Variants in ESRP1 observed in about 807,000 individuals in gnomAD.
ESRP1 encodes RNA-binding motif protein 35A.
In ESRP1, 33 loss-of-function variants were observed where a neutral mutation model predicts 81.7. That is an observed-to-expected ratio of 0.40 (90% confidence interval 0.31 to 0.54). The LOEUF (loss-of-function observed/expected upper bound fraction) is 0.54. Among genes scored for constraint, ESRP1 ranks in the 20% least tolerant of loss-of-function variants. ESRP1 has a pLI of 0.41. For synonymous variants in ESRP1, 320 were observed against 303.3 expected (o/e 1.06, Z -0.57); for missense variants, 672 against 833.1 (o/e 0.81, Z 2.38).
In ESRP1 at chr8:94,662,490, C is replaced by T. The variant is rs1021884504; in HGVS notation, c.590-11C>T. 6.3e-7 allele frequency: 1 copy of T among 1,597,874 alleles called. No homozygotes were observed. The highest frequency in any genetic ancestry group is 8.5e-7 in the Non-Finnish European group (1 of 1,172,054). Reference sequence around the variant, plus strand: ...TCACTAAAATGATGACTTTTATGTTCTCATTTTTAGATCACAGGTTTTCAG... The same window carrying T: ...TCACTAAAATGATGACTTTTATGTTTTCATTTTTAGATCACAGGTTTTCAG... On this transcript the variant is annotated splice_polypyrimidine_tract_variant and intron_variant, in intron 5 of 15. Coordinates refer to ENST00000433389, the MANE Select transcript of ESRP1 (RefSeq NM_017697.4).
chr8:94,641,875 C>T (rs1817615812), intron 1 of ESRP1, 81 bp from the exon 2 acceptor site: 2 of 1,572,516 alleles, frequency 1.3e-6, no homozygotes, highest in South Asian at 1.2e-5. Flanking sequence ...CGGGCCGCCC[C>T]AGCAGGGGAG....
At position 94,678,364 on chromosome 8, in the gene ESRP1, T is replaced by C. The variant is rs1808726953; in HGVS notation, c.1813T>C (p.Tyr605His). ...TQLFMNYTAY[Y>H]PSPPGSPNSL... The stretch of plus-strand genomic sequence containing the variant: ...GCTCTTCATGAATTACACAGCGTAC[T>C]ATCCCAGGTAAGGCTCTGACAGAGG... The change falls in exon 13 of 16, where the codon TAT becomes CAT. Residue 605 changes from tyrosine to histidine, a missense_variant. Tyr to His is a moderately conservative substitution (Grantham distance 83). Transcript: ENST00000433389. 2 of 1,612,824 alleles carry C rather than the reference T, an allele frequency of 1.2e-6. No individual in the cohort carries two copies. The highest frequency in any genetic ancestry group is 1.3e-5 in the African/African-American group (1 of 74,898).
intron 4 of ESRP1, among the ~76,000 whole-genome samples, chr8:94,654,933 GAAAAA>G (rs986208851): frequency 6.9e-6 from 1 of 144,734 alleles, no homozygotes; most frequent in Non-Finnish European, 1.5e-5. Context: ...AAAAAAAAAA[GAAAAA>G]AAAAGTAAGC....
intron 4 of ESRP1, 61 bp from the exon 5 acceptor site, chr8:94,662,211 T>G: frequency 9.2e-7 from 1 of 1,087,002 alleles, no homozygotes; most frequent in Non-Finnish European, 1.3e-6. Flanking sequence ...TAGGTTTAAT[T>G]TTGATTTAGA....
intron 4 of ESRP1, among the ~76,000 whole-genome samples, chr8:94,652,497 A>T (rs1818195443): frequency 6.6e-6 from 1 of 150,722 alleles, no homozygotes; most frequent in African/African-American, 2.4e-5. Flanking sequence ...TTTTGAAATT[A>T]TCTTAGATCC....
At chr8:94,641,577 C>T in intron 1 of ESRP1, 127 bp downstream of exon 1, 1 of 1,356,594 alleles carries the variant, frequency 7.4e-7, no homozygotes, top group Non-Finnish European at 1.0e-6. Context: ...GAGTCTGGAC[C>T]CGAGGCCTAG....
intron 10 of ESRP1, among the ~76,000 whole-genome samples, chr8:94,668,789 A>ATATGTGTGTGTGTGTG (rs1554577934): frequency 4.9e-5 from 7 of 143,868 alleles, no homozygotes; most frequent in African/African-American, 1.6e-4. Context: ...AGCTTTCAGC[A>ATATGTGTGTGTGTGTG]TGTGTGTGTG....
intron 10 of ESRP1, among the ~76,000 whole-genome samples, chr8:94,670,034 C>T (rs1427894321): frequency 6.6e-6 from 1 of 152,146 alleles, no homozygotes; most frequent in Admixed American, 6.5e-5. Context: ...GAGAGTTTGT[C>T]TTATGAAATC....
intron 6 of ESRP1, among the ~76,000 whole-genome samples, 195 bp from the exon 7 acceptor site, chr8:94,664,502 A>G (rs992906136): frequency 2.0e-5 from 3 of 152,210 alleles, no homozygotes; most frequent in Non-Finnish European, 2.9e-5. Context: ...TGTTTCTATA[A>G]TGAACCACCT....
chr8:94,694,656 G>A (rs765211249), intron 14 of ESRP1, among the ~76,000 whole-genome samples: 1 of 152,162 alleles, frequency 6.6e-6, no homozygotes, highest in Non-Finnish European at 1.5e-5. Flanking sequence ...CCACAACCAT[G>A]CAATCGGGAT....
intron 4 of ESRP1, among the ~76,000 whole-genome samples, chr8:94,655,065 T>TTTTGTGTG (rs545869490): frequency 1.5e-3 from 223 of 147,632 alleles, no homozygotes; most frequent in Admixed American, 8.0e-3. Flanking sequence ...TTTGGGTTTT[T>TTTTGTGTG]TGTGTGTGTG....
chr8:94,663,615 G>A (rs150997144), intron 6 of ESRP1, among the ~76,000 whole-genome samples: 13 of 152,274 alleles, frequency 8.5e-5, no homozygotes, highest in Non-Finnish European at 1.8e-4. Flanking sequence ...GTTAGTGATC[G>A]CAGGTAGACC....
At chr8:94,689,291 G>A (rs1809277728) in intron 13 of ESRP1, among the ~76,000 whole-genome samples, 1 of 147,826 alleles carries the variant, frequency 6.8e-6, no homozygotes, top group Admixed American at 6.8e-5. Context: ...TTATGAACAT[G>A]GGCTGCCTTT....
chr8:94,691,966 T>C (rs1407477028), intron 13 of ESRP1, among the ~76,000 whole-genome samples: 1 of 152,134 alleles, frequency 6.6e-6, no homozygotes, highest in African/African-American at 2.4e-5. Flanking sequence ...TTGCATAATA[T>C]GGTAATGACT....
At chr8:94,646,725 C>T (rs1817876443) in intron 4 of ESRP1, among the ~76,000 whole-genome samples, 1 of 152,098 alleles carries the variant, frequency 6.6e-6, no homozygotes, top group Non-Finnish European at 1.5e-5. Context: ...CGCTTTTAGC[C>T]TCCCCTGAGT....
At chr8:94,689,811 C>CTAATTTTTT (rs1809303768) in intron 13 of ESRP1, among the ~76,000 whole-genome samples, 1 of 64,680 alleles carries the variant, frequency 1.5e-5, no homozygotes, top group Non-Finnish European at 3.0e-5. Flanking sequence ...TGATGCCTGG[C>CTAATTTTTT]TTTTTTTTTT....
rs58359551 is a variant in ESRP1 at position 94,689,811 on chromosome 8, C to CTTTTTTT, written c.1821-2847_1821-2841dup. Among the ~76,000 whole-genome samples the CTTTTTTT allele has an allele frequency of 1.7e-3, 113 of 64,648 alleles. 9 individuals carry two copies. Among genetic ancestry groups the CTTTTTTT allele is most frequent in the African/African-American group, 6.7e-3 (97 of 14,504 alleles). The allele number at this position is 64,648 out of a possible 152,430, so 42.4% of individuals were successfully genotyped here. A position where few individuals can be genotyped will look rare whatever the true frequency, so the allele number is the denominator to read the frequency against. ...CACAGGCATGTGCTATGATGCCTGG[C>CTTTTTTT]TTTTTTTTTTTTTTTTTTTTTTTTT... is the stretch of plus-strand genomic sequence containing the variant. On this transcript the variant is annotated intron_variant, in intron 13 of 15. Coordinates refer to ENST00000433389, the MANE Select transcript of ESRP1 (RefSeq NM_017697.4).
intron 15 of ESRP1, among the ~76,000 whole-genome samples, chr8:94,703,756 C>T (rs1051050011): frequency 1.3e-5 from 2 of 152,294 alleles, no homozygotes; most frequent in Admixed American, 6.5e-5. Context: ...GCCTGGCTTA[C>T]GTTCATCCTA....
chr8:94,647,665 C>A (rs1032276317), intron 4 of ESRP1, among the ~76,000 whole-genome samples: 2 of 152,166 alleles, frequency 1.3e-5, no homozygotes, highest in Non-Finnish European at 2.9e-5. Context: ...CAGATAGTTA[C>A]ATTGGGGGTT....
Sources: allele counts gnomAD v4.1 joint callset (sites outside exome capture counted in the v4.1 genomes callset), GRCh38; gene constraint gnomAD v4.1.1; transcripts MANE v1.5; gene names NCBI Gene and HGNC (gene_info 2026-07-23, HGNC 2026-07-21).